The following CES1 variants were observed in gnomAD, a reference collection of about 807,000 sequenced individuals.
CES1 encodes carboxylesterase 1.
A neutral mutation model predicts 53.0 loss-of-function variants in CES1; 50 were observed. The ratio of observed to expected loss-of-function variants is 0.94; its 90% confidence interval spans 0.75 to 1.19. CES1 has a LOEUF of 1.19. Among genes scored for constraint, CES1 ranks in the 50% most tolerant of loss-of-function variants. CES1 has a pLI of 0.00. For missense variants in CES1, 534 were observed against 538.0 expected (o/e 0.99, Z 0.07); for synonymous variants, 202 against 210.1 (o/e 0.96, Z 0.33).
intron 1 of CES1, 146 bp from the exon 2 acceptor site, chr16:55,829,120 A>T: frequency 2.3e-6 from 2 of 855,826 alleles, no homozygotes; most frequent in Non-Finnish European, 3.8e-6. Context: ...TACAATAGGG[A>T]TGACGATCAA....
intron 9 of CES1, 87 bp downstream of exon 9, chr16:55,812,816 G>T: frequency 6.4e-7 from 1 of 1,572,946 alleles, no homozygotes; most frequent in South Asian, 1.1e-5. Context: ...TCAGAGTGCA[G>T]CTCGGAGAGG....
At chr16:55,820,736 A>C (rs111651683) in intron 5 of CES1, among the ~76,000 whole-genome samples, 9 of 152,052 alleles carry the variant, frequency 5.9e-5, no homozygotes, top group Admixed American at 3.3e-4. Flanking sequence ...CCTCACACCC[A>C]AGGTTGTGTC....
rs1342959408 is a variant in CES1, at chr16:55,813,007, G to C, written c.982C>G (p.Leu328Val). The C allele has an allele frequency of 1.2e-6, 2 of 1,613,912 alleles. No individual in the cohort carries two copies. The highest frequency in any genetic ancestry group is 1.7e-6 in the Non-Finnish European group (2 of 1,179,950). ...PLLGTVIDGM[L>V]LLKTPEELQA... ...AGCTCTTCAGGTGTTTTCAGCAGCA[G>C]CATCCCATCAATCACAGTGCCCAGA... The change falls in exon 9 of 14, where the codon CTG becomes GTG. Residue 328 changes from leucine to valine, a missense_variant. This residue lies in a region of CES1 where 269 missense variants were observed against 206.6 expected (regional missense o/e 1.30). Transcript: ENST00000360526.
chr16:55,826,271 C>T lies in CES1; in HGVS notation c.285G>A (p.Gly95=), dbSNP rs779072034. 3.1e-6 allele frequency: 5 copies of T among 1,613,868 alleles called. No individual in the cohort carries two copies. The highest frequency in any genetic ancestry group is 1.7e-5 in the Admixed American group (1 of 60,002). The change falls in exon 3 of 14, where the codon GGG becomes GGA. Residue 95 remains glycine, a synonymous_variant. Transcript: ENST00000360526. ...TTGTAAATAGCTCTGAGAGTAACTG[C>T]CCCGCCTTGGGATCTTGGGTGCACC... ...PPMCTQDPKA[G]QLLSELFTNR...
rs200707504 is a variant in CES1, at chr16:55,821,399, T to C, written c.662A>G (p.Glu221Gly). The stretch of plus-strand genomic sequence containing the variant: ...AGAGACACTTTCTCCTCCCGCTGAC[T>C]CTCCAAAGATGGTCACAGAGCCTGG... ...GNPGSVTIFGESAGGESVSVL... is the reference protein window; with the variant it reads ...GNPGSVTIFGGSAGGESVSVL... Residue 221 changes from glutamate (E) to glycine (G), a missense_variant, in exon 5 of 14, where the codon GAG (glutamate) becomes GGG (glycine). Around this residue, in one of 5 missense-constraint regions of CES1, gnomAD observed 85 missense variants for 81.9 expected, o/e 1.04. Coordinates refer to ENST00000360526, the MANE Select transcript of CES1 (RefSeq NM_001025195.2). 2.0e-4 allele frequency: 327 copies of C among 1,614,178 alleles called. 1 individual carries two copies. In the East Asian group the frequency reaches 6.6e-3, roughly 33 times the overall value.
At chr16:55,827,948 T>A (rs1232913370) in intron 2 of CES1, 1 of 152,388 alleles carries the variant, frequency 6.6e-6, no homozygotes, top group Middle Eastern at 3.4e-3. Context: ...TGATCTTAAT[T>A]TTCTTACTTT....
At chr16:55,813,991 A>C (rs1309211455) in intron 8 of CES1, among the ~76,000 whole-genome samples, 2 of 152,232 alleles carry the variant, frequency 1.3e-5, no homozygotes, top group African/African-American at 4.8e-5. Context: ...AAGTGCCACC[A>C]GTATTGATTT....
chr16:55,810,833 A>T, intron 10 of CES1, 94 bp downstream of exon 10: 2 of 1,406,694 alleles, frequency 1.4e-6, no homozygotes, highest in Non-Finnish European at 1.0e-6. Flanking sequence ...CTGAGGCCCC[A>T]GTCTTCATTC....
At chr16:55,826,626 C>T (rs1164591814) in intron 2 of CES1, among the ~76,000 whole-genome samples, 3 of 152,200 alleles carry the variant, frequency 2.0e-5, no homozygotes, top group Non-Finnish European at 4.4e-5. Flanking sequence ...GGGGTGATAT[C>T]TTTGTGGGAC....
At chr16:55,820,667 G>C (rs1389972228) in intron 5 of CES1, among the ~76,000 whole-genome samples, 188 bp from the exon 6 acceptor site, 1 of 152,030 alleles carries the variant, frequency 6.6e-6, no homozygotes, top group African/African-American at 2.4e-5. Context: ...CTCTCATCTG[G>C]GTTTTCATCC....
At chr16:55,821,188 T>A (rs537104345) in intron 5 of CES1, among the ~76,000 whole-genome samples, 180 bp downstream of exon 5, 1 of 152,148 alleles carries the variant, frequency 6.6e-6, no homozygotes, top group African/African-American at 2.4e-5. Context: ...CTGAGCTTCC[T>A]GGGGGCCAAG....
chr16:55,826,290 G>A lies in CES1; in HGVS notation c.266C>T (p.Thr89Ile). The A allele has an allele frequency of 6.2e-7, 1 of 1,614,002 alleles. No homozygotes were observed. The highest frequency in any genetic ancestry group is 8.5e-7 in the Non-Finnish European group (1 of 1,179,876). The change falls in exon 3 of 14, where the codon ACC becomes ATC. Residue 89 changes from threonine (T) to isoleucine (I), a missense_variant. Thr to Ile is a moderately conservative substitution (Grantham distance 89, BLOSUM62 -1). Around this residue, in one of 5 missense-constraint regions of CES1, gnomAD observed 164 missense variants for 162.4 expected, o/e 1.01. Coordinates refer to ENST00000360526, the MANE Select transcript of CES1 (RefSeq NM_001025195.2). Reference protein sequence around the residue: ...KNATSYPPMCTQDPKAGQLLS... With the variant: ...KNATSYPPMCIQDPKAGQLLS... ...TAACTGCCCCGCCTTGGGATCTTGGGTGCACCTGGGGAGGGGGAAAGAAGA... is the reference window on the plus strand; with the variant it reads ...TAACTGCCCCGCCTTGGGATCTTGGATGCACCTGGGGAGGGGGAAAGAAGA...
chr16:55,813,704 T>A (rs1208003699), intron 8 of CES1, among the ~76,000 whole-genome samples: 2 of 152,108 alleles, frequency 1.3e-5, no homozygotes, highest in Non-Finnish European at 2.9e-5. Context: ...CAAGCTTGTC[T>A]CACACAGGCA....
chr16:55,814,214 G>C (rs1376302413), intron 8 of CES1, among the ~76,000 whole-genome samples: 1 of 152,206 alleles, frequency 6.6e-6, no homozygotes, highest in Admixed American at 6.5e-5. Context: ...AAAAGAATCA[G>C]TGATTAACTC....
chr16:55,824,506 G>C (rs1217807955), intron 3 of CES1, among the ~76,000 whole-genome samples: 1 of 152,114 alleles, frequency 6.6e-6, no homozygotes, highest in Non-Finnish European at 1.5e-5. Flanking sequence ...CTATACATTG[G>C]GTAGGTACTA....
chr16:55,812,833 T>A, intron 9 of CES1, 70 bp downstream of exon 9: 1 of 1,602,996 alleles, frequency 6.2e-7, no homozygotes. Context: ...GAGGGAAGCA[T>A]TCCTGGGACC....
chr16:55,815,147 C>A (rs576808862), intron 8 of CES1, among the ~76,000 whole-genome samples: 8 of 152,216 alleles, frequency 5.3e-5, no homozygotes, highest in East Asian at 1.9e-4. Flanking sequence ...ATTCCAGAAA[C>A]AACCAAGAGT....
At chr16:55,831,468 A>C (rs1329313337) in intron 1 of CES1, among the ~76,000 whole-genome samples, 1 of 151,154 alleles carries the variant, frequency 6.6e-6, no homozygotes, top group Non-Finnish European at 1.5e-5. Flanking sequence ...GTTGCTGCTG[A>C]TGTTATATGA....
chr16:55,819,665 A>T, intron 6 of CES1, 26 bp from the exon 7 acceptor site: 1 of 1,569,820 alleles, frequency 6.4e-7, no homozygotes, highest in East Asian at 2.2e-5. Context: ...GCAACAACAG[A>T]GTTCAAGAGC....
Sources: gnomAD v4.1 joint callset for allele counts (sites outside exome capture counted in the v4.1 genomes callset) on GRCh38, gnomAD v4.1.1 for gene constraint, gnomAD v4.1.1 regional missense constraint, MANE v1.5 for transcripts, NCBI Gene and HGNC (gene_info 2026-07-23, HGNC 2026-07-21) for gene names.